The following RBFOX3 variants were observed in gnomAD, a reference collection of about 807,000 sequenced individuals.
The protein encoded by RBFOX3 is RNA binding fox-1 homolog 3.
A neutral mutation model predicts 48.7 loss-of-function variants in RBFOX3; 17 were observed. The ratio of observed to expected loss-of-function variants is 0.35; its 90% CI spans 0.24 to 0.52. The LOEUF (loss-of-function observed/expected upper bound fraction) is 0.52, where lower values mean the gene tolerates loss of function less well. Among genes scored for constraint, RBFOX3 ranks in the 20% least tolerant of loss-of-function variants. The probability of loss-of-function intolerance (pLI) is 0.94; values close to 1 mark genes in which losing one functional copy is unlikely to be tolerated. For synonymous variants in RBFOX3, 212 were observed against 209.5 expected (o/e 1.01, Z -0.10); for missense variants, 382 against 497.5 (o/e 0.77, Z 2.21).
chr17:79,101,748 C>T (rs781463540), intron 8 of RBFOX3, 104 bp from the exon 9 acceptor site: 12 of 1,002,584 alleles, frequency 1.2e-5, no homozygotes, highest in South Asian at 5.5e-5. Context: ...CGGCACCCCC[C>T]GCCCCAGCCT....
chr17:79,364,787 C>G lies in RBFOX3; in HGVS notation c.-174-56963G>C, dbSNP rs113532763. 6.6e-6 allele frequency among the ~76,000 whole-genome samples: 1 copy of G among 152,284 alleles called. No individual in the cohort carries two copies. The highest frequency in any genetic ancestry group is 2.4e-5 in the African/African-American group (1 of 41,560). On this transcript the variant is annotated intron_variant, in intron 2 of 14. Transcript: ENST00000693108. This position sits in a 1 kb window ranked among gnomAD's most constrained non-coding sequence, Gnocchi z 5.1. ...TCCAGGGAGAGGACCCCGCAAAGCC[C>G]CAGGATGACTACCCAGCCCACGCAT... is the stretch of plus-strand genomic sequence containing the variant.
intron 4 of RBFOX3, among the ~76,000 whole-genome samples, chr17:79,177,197 G>A (rs1441280059): frequency 2.7e-5 from 4 of 148,548 alleles, no homozygotes. Flanking sequence ...GGCCACCACT[G>A]GCCTCCTCCT....
intron 2 of RBFOX3, among the ~76,000 whole-genome samples, chr17:79,441,256 G>A (rs372062836): frequency 7.9e-5 from 12 of 152,242 alleles, no homozygotes; most frequent in South Asian, 2.1e-4. Context: ...GGTCCTGGGC[G>A]TGCCTCCTTC....
At chr17:79,347,862 A>G (rs568726590) in intron 2 of RBFOX3, among the ~76,000 whole-genome samples, 99 of 152,288 alleles carry the variant, frequency 6.5e-4, no homozygotes, top group African/African-American at 2.4e-3. Context: ...CTTAAAAAAA[A>G]TGCTTGTGCT....
At chr17:79,648,025 G>GC in the RBFOX3 span, among the ~76,000 whole-genome samples, 1 of 151,656 alleles carries the variant, frequency 6.6e-6, no homozygotes. Context: ...GAGACACAGA[G>GC]CCTCCTGGGG....
At chr17:79,292,007 G>C (rs764181806) in intron 3 of RBFOX3, among the ~76,000 whole-genome samples, 1 of 152,132 alleles carries the variant, frequency 6.6e-6, no homozygotes. Flanking sequence ...CTTAGATGCT[G>C]TAGCTTAGGA....
chr17:79,138,652 T>TGC (rs2040870847), intron 4 of RBFOX3, among the ~76,000 whole-genome samples: 6 of 16,134 alleles, frequency 3.7e-4, no homozygotes, highest in South Asian at 2.1e-3. Context: ...CACACGCACA[T>TGC]ACACAGCACA....
upstream of RBFOX3, among the ~76,000 whole-genome samples, chr17:79,611,159 T>TCG (rs2093962943): frequency 2.9e-5 from 1 of 34,430 alleles, no homozygotes; most frequent in Admixed American, 3.8e-4. Context: ...TCTCTCTCTC[T>TCG]CTCTCTCTCT....
intron 4 of RBFOX3, among the ~76,000 whole-genome samples, chr17:79,207,900 T>C (rs1366370315): frequency 6.6e-6 from 1 of 152,214 alleles, no homozygotes; most frequent in African/African-American, 2.4e-5. Context: ...GAATGGTTAT[T>C]TCTTTAGCTA....
chr17:79,654,195 G>A, the RBFOX3 span, among the ~76,000 whole-genome samples: 75 of 152,260 alleles, frequency 4.9e-4, no homozygotes, highest in Middle Eastern at 3.4e-3. Flanking sequence ...CTGGTAAATC[G>A]AGCACCGGAG....
chr17:79,283,672 C>T lies in RBFOX3; in HGVS notation c.-74+24052G>A, dbSNP rs531199087. Among the ~76,000 whole-genome samples the T allele has an allele frequency of 4.6e-5, 7 of 152,354 alleles. No homozygotes were observed. The East Asian group carries it at 7.7e-4, about 17-fold the overall frequency. ...GGGAGGATGCCTGGGCAGCCCAGGA[C>T]CTGCCTTTTCTAGACCCTCTTGTTG... On this transcript the variant is annotated intron_variant, in intron 3 of 14. Coordinates refer to ENST00000693108, the MANE Select transcript of RBFOX3 (RefSeq NM_001350451.2).
In RBFOX3 at chr17:79,480,430, G is replaced by T. The variant is rs1228050327; in HGVS notation, c.-175+2024C>A. The stretch of plus-strand genomic sequence containing the variant: ...CTCTGTCCCCCTCACAGAAGGCAGA[G>T]ACACCTTTGTATGTCTCAGGCCATT... On this transcript the variant is annotated intron_variant, in intron 2 of 14. Transcript: ENST00000693108. This position sits in a 1 kb window ranked among gnomAD's most constrained non-coding sequence, Gnocchi z 4.8. Among the ~76,000 whole-genome samples the T allele has an allele frequency of 1.3e-5, 2 of 152,124 alleles. No homozygotes were observed. Among genetic ancestry groups the T allele is most frequent in the African/African-American group, 4.8e-5 (2 of 41,406 alleles).
chr17:79,587,392 A>G (rs2093284202), intron 1 of RBFOX3, among the ~76,000 whole-genome samples: 1 of 152,102 alleles, frequency 6.6e-6, no homozygotes, highest in African/African-American at 2.4e-5. Context: ...TGATCCCAAG[A>G]CCTCCACCTT....
At chr17:79,416,881 C>T (rs782637422) in intron 2 of RBFOX3, among the ~76,000 whole-genome samples, 2 of 152,238 alleles carry the variant, frequency 1.3e-5, no homozygotes, top group Admixed American at 1.3e-4. Flanking sequence ...TTTGGGGATG[C>T]GGCTCTCCCT....
At chr17:79,251,491 C>T (rs1243444080) in intron 3 of RBFOX3, among the ~76,000 whole-genome samples, 3 of 152,194 alleles carry the variant, frequency 2.0e-5, no homozygotes, top group Non-Finnish European at 2.9e-5. Flanking sequence ...TGGGCACAAC[C>T]CTTCCCCCTC....
At chr17:79,623,406 A>G in the RBFOX3 span, among the ~76,000 whole-genome samples, 1 of 152,206 alleles carries the variant, frequency 6.6e-6, no homozygotes, top group Non-Finnish European at 1.5e-5. Flanking sequence ...TAGGTTACAC[A>G]GCAAGGAGGA....
intron 4 of RBFOX3, among the ~76,000 whole-genome samples, chr17:79,134,561 C>G (rs904889737): frequency 1.3e-5 from 2 of 152,222 alleles, no homozygotes; most frequent in Non-Finnish European, 2.9e-5. Context: ...CTCTGCTCCT[C>G]AAAGTCTGGA....
At position 79,252,144 on chromosome 17, in the gene RBFOX3, C is replaced by A. The variant is rs1307857473; in HGVS notation, c.-73-16339G>T. ...CCATGGCTCTGGCCCTTCCTCCTGC[C>A]TTTGCCTAGTGGGTAACTGGGCATT... On this transcript the variant is annotated intron_variant, in intron 3 of 14. Coordinates refer to ENST00000693108, the MANE Select transcript of RBFOX3 (RefSeq NM_001350451.2). This position sits in a 1 kb window ranked among gnomAD's most constrained non-coding sequence, Gnocchi z 4.0. Among the ~76,000 whole-genome samples the A allele has an allele frequency of 2.6e-5, 4 of 152,230 alleles. No homozygotes were observed.
chr17:79,341,415 C>T (rs2082065337), intron 2 of RBFOX3, among the ~76,000 whole-genome samples: 1 of 152,202 alleles, frequency 6.6e-6, no homozygotes, highest in South Asian at 2.1e-4. Context: ...TTACAACTTC[C>T]CATTATTCAT....
Sources: gnomAD v4.1 joint callset for allele counts (sites outside exome capture counted in the v4.1 genomes callset) on GRCh38, gnomAD v4.1.1 for gene constraint, Gnocchi (gnomAD v3.1) non-coding constraint, MANE v1.5 for transcripts, NCBI Gene and HGNC (gene_info 2026-07-23, HGNC 2026-07-21) for gene names.